The following STON2 variants were observed in gnomAD, a reference collection of about 807,000 sequenced individuals.
The protein encoded by STON2 is stonin 2, also known as stonin-2.
In STON2, 29 loss-of-function variants were observed where a neutral mutation model predicts 65.7. That is an observed-to-expected ratio of 0.44 (90% confidence interval 0.33 to 0.60). The LOEUF is 0.60. STON2 is among the 20% of genes least tolerant of loss of function. The probability of loss-of-function intolerance (pLI) is 0.03; values close to 1 mark genes in which losing one functional copy is unlikely to be tolerated. For missense variants in STON2, 1,054 were observed against 1,118.1 expected, an observed-to-expected ratio of 0.94 and a Z score of 0.82; for synonymous variants, 404 against 414.2, an observed-to-expected ratio of 0.98 and a Z score of 0.30.
upstream of STON2, among the ~76,000 whole-genome samples, chr14:81,403,862 C>T (rs1900720496): frequency 1.3e-5 from 2 of 152,186 alleles, no homozygotes; most frequent in African/African-American, 4.8e-5. Flanking sequence ...TACCACACTT[C>T]CCACTTGCCC....
At position 81,267,102 on chromosome 14, in the gene STON2, G is replaced by C; in HGVS notation, c.*1312C>G. 1 of 985,210 alleles carries C rather than the reference G, an allele frequency of 1.0e-6. No individual in the cohort carries two copies. Among genetic ancestry groups the C allele is most frequent in the East Asian group, 1.1e-4 (1 of 8,812 alleles). 61.0% of individuals were successfully genotyped at this position (985,210 alleles called of 1,614,324 possible). A position where few individuals can be genotyped will look rare whatever the true frequency, so the allele number is the denominator to read the frequency against. ...GCATCATCTACAAATCCAATGAAGT[G>C]TGCTTTCTGTCCCCCGACTTGTATT... On this transcript the variant is annotated 3_prime_UTR_variant, in exon 8 of 8. Transcript: ENST00000614646.
At chr14:81,282,937 T>C (rs1445051021) in intron 5 of STON2, among the ~76,000 whole-genome samples, 1 of 152,190 alleles carries the variant, frequency 6.6e-6, no homozygotes, top group Non-Finnish European at 1.5e-5. Context: ...ATCACAAAGC[T>C]AATTCTTCTC....
intron 7 of STON2, among the ~76,000 whole-genome samples, chr14:81,269,092 A>G (rs1894471267): frequency 6.6e-6 from 1 of 152,072 alleles, no homozygotes; most frequent in African/African-American, 2.4e-5. Flanking sequence ...CGCAACCTCC[A>G]CTTCCCGGGC....
rs941986040 is a variant in STON2, at chr14:81,266,207, T to C, written c.*2207A>G. 3.3e-6 allele frequency: 2 copies of C among 607,850 alleles called. No homozygotes were observed. Among genetic ancestry groups the C allele is most frequent in the South Asian group, 7.3e-5 (1 of 13,618 alleles). The allele number at this position is 607,850 out of a possible 1,614,324, so 37.7% of individuals were successfully genotyped here. A position where few individuals can be genotyped will look rare whatever the true frequency, so the allele number is the denominator to read the frequency against. ...AGATTCCCTTTCACAGCACGTGGGA[T>C]AGGTGGTTATTTTAACTGTTGGGCA... On this transcript the variant is annotated 3_prime_UTR_variant, in exon 8 of 8. Coordinates refer to ENST00000614646, the MANE Select transcript of STON2 (RefSeq NM_001394390.1).
rs192877353 is a variant in STON2, at chr14:81,383,208, G to A, written c.374-12023C>T. On this transcript the variant is annotated intron_variant, in intron 3 of 7. Coordinates refer to ENST00000614646, the MANE Select transcript of STON2 (RefSeq NM_001394390.1). ...AGGGACCCTGGATCCAGACTGCCTG[G>A]TTTGCATACCAAATCCAGCCCTGTA... Among the ~76,000 whole-genome samples, 497 of 152,294 alleles carry A rather than the reference G, an allele frequency of 3.3e-3. 3 individuals are homozygous for A. The highest frequency in any genetic ancestry group is 3.6e-3 in the Non-Finnish European group (243 of 68,022).
At chr14:81,413,124 C>T (rs9743610) in intron 2 of STON2, 782,322 of 1,253,800 alleles carry the variant, frequency 0.62, 274,286 homozygotes, top group Non-Finnish European at 0.66. Context: ...AAGTACAATC[C>T]CACCTGACAC....
chr14:81,271,721 G>A (rs1177796168), intron 6 of STON2, among the ~76,000 whole-genome samples: 2 of 152,098 alleles, frequency 1.3e-5, no homozygotes, highest in Non-Finnish European at 1.5e-5. Context: ...AGATTTTTGA[G>A]GAAAAAGAGA....
At chr14:81,299,400 G>A (rs1234000807) in intron 5 of STON2, among the ~76,000 whole-genome samples, 1 of 152,168 alleles carries the variant, frequency 6.6e-6, no homozygotes, top group African/African-American at 2.4e-5. Context: ...AAAACCCTCA[G>A]CTAACATCAC....
At position 81,261,694 on chromosome 14, in the gene STON2, A is replaced by C. The variant is rs1894151390; in HGVS notation, c.*6720T>G. On this transcript the variant is annotated 3_prime_UTR_variant, in exon 8 of 8. Transcript: ENST00000614646. ...CCTCATTGATTATCCTATCATCCCC[A>C]GTACTTGGAGGGTTAGACCTACTTC... 1 of 1,219,854 alleles carries C rather than the reference A, an allele frequency of 8.2e-7. No homozygotes were observed. Among genetic ancestry groups the C allele is most frequent in the Non-Finnish European group, 1.1e-6 (1 of 931,654 alleles). 75.6% of individuals were successfully genotyped at this position (1,219,854 alleles called of 1,614,324 possible). A position where few individuals can be genotyped will look rare whatever the true frequency, so the allele number is the denominator to read the frequency against.
intron 3 of STON2, among the ~76,000 whole-genome samples, chr14:81,378,687 T>C (rs941319298): frequency 6.6e-5 from 10 of 152,368 alleles, no homozygotes; most frequent in Admixed American, 5.2e-4. Flanking sequence ...CTATTCTGTA[T>C]ACAACAAAAA....
At chr14:81,388,656 G>A (rs1899937670) in intron 3 of STON2, among the ~76,000 whole-genome samples, 1 of 152,280 alleles carries the variant, frequency 6.6e-6, no homozygotes, top group Admixed American at 6.5e-5. Context: ...TCCAATTCCA[G>A]GCTGAAGTCC....
At chr14:81,377,339 C>T (rs950260453) in intron 3 of STON2, among the ~76,000 whole-genome samples, 1 of 152,114 alleles carries the variant, frequency 6.6e-6, no homozygotes, top group Non-Finnish European at 1.5e-5. Flanking sequence ...GTTGCATGTA[C>T]CAGTAGTTCA....
chr14:81,297,652 G>A (rs1482428519), intron 5 of STON2, among the ~76,000 whole-genome samples: 1 of 152,188 alleles, frequency 6.6e-6, no homozygotes, highest in Non-Finnish European at 1.5e-5. Flanking sequence ...AAAATGACAA[G>A]GAGCACTTAT....
intron 5 of STON2, among the ~76,000 whole-genome samples, chr14:81,320,158 C>T (rs1896770246): frequency 6.6e-6 from 1 of 151,950 alleles, no homozygotes; most frequent in South Asian, 2.1e-4. Context: ...TGGGCCACAG[C>T]AAGCAAGCCC....
intron 2 of STON2, among the ~76,000 whole-genome samples, chr14:81,417,921 A>T (rs1465874037): frequency 6.6e-6 from 1 of 152,078 alleles, no homozygotes; most frequent in Non-Finnish European, 1.5e-5. Context: ...GGCAAGAGGG[A>T]ATTTTGAAAA....
At chr14:81,367,149 T>G (rs1195969883) in intron 4 of STON2, among the ~76,000 whole-genome samples, 1 of 151,798 alleles carries the variant, frequency 6.6e-6, no homozygotes, top group Admixed American at 6.6e-5. Context: ...TCCTTGAAGC[T>G]CTCGATAGCT....
intron 3 of STON2, among the ~76,000 whole-genome samples, chr14:81,392,922 C>T (rs767955424): frequency 5.3e-5 from 8 of 152,108 alleles, no homozygotes; most frequent in Non-Finnish European, 1.0e-4. Flanking sequence ...TATTTTTTAA[C>T]CATCAATGCA....
At chr14:81,340,247 A>G (rs1024912750) in intron 4 of STON2, among the ~76,000 whole-genome samples, 3 of 152,232 alleles carry the variant, frequency 2.0e-5, no homozygotes, top group Non-Finnish European at 2.9e-5. Flanking sequence ...TGAAAATGCA[A>G]ACTAATTTCT....
chr14:81,300,855 G>A (rs796462505), intron 5 of STON2, among the ~76,000 whole-genome samples: 4 of 152,192 alleles, frequency 2.6e-5, no homozygotes, highest in Admixed American at 1.3e-4. Context: ...TGAAAAATAT[G>A]TCTACAAATA....
Sources: gnomAD v4.1 joint callset for allele counts (sites outside exome capture counted in the v4.1 genomes callset) on GRCh38, gnomAD v4.1.1 for gene constraint, MANE v1.5 for transcripts, NCBI Gene and HGNC (gene_info 2026-07-23, HGNC 2026-07-21) for gene names.